The following CCDC30 variants were observed in gnomAD, a reference collection of about 807,000 sequenced individuals.
CCDC30 encodes the protein coiled-coil domain containing 30, also known as coiled-coil domain-containing protein 30.
CCDC30 carries 70 observed loss-of-function variants against 100.2 expected under a neutral mutation model. The observed-to-expected ratio is 0.70, with a 90% CI of 0.58 to 0.85. CCDC30 has a LOEUF of 0.85. Ranked by LOEUF, CCDC30 falls within the 40% of genes least tolerant of loss-of-function variation. CCDC30 has a pLI of 0.00. For synonymous variants in CCDC30, 233 were observed against 269.5 expected, an observed-to-expected ratio of 0.86 and a Z score of 1.33; for missense variants, 652 against 771.2, an observed-to-expected ratio of 0.85 and a Z score of 1.83.
Position 42,556,026 on chromosome 1 carries a change from T to C in CCDC30, c.457-10270T>C, listed in dbSNP as rs1645361156. ...TTAAAGTTTATTTTTAAGAATAAGA[T>C]GACTGTTGTGCTATAGAATTCAGGT... On this transcript the variant is annotated intron_variant, in intron 6 of 16. Transcript: ENST00000668663. 3 of 880,262 alleles carry C rather than the reference T, an allele frequency of 3.4e-6. No homozygotes were observed. The Admixed American group carries it at 8.6e-5, about 25-fold the overall frequency. 54.5% of individuals were successfully genotyped at this position (880,262 alleles called of 1,614,324 possible).
At chr1:42,544,597 C>T (rs1039961071) in intron 6 of CCDC30, among the ~76,000 whole-genome samples, 18 of 152,154 alleles carry the variant, frequency 1.2e-4, no homozygotes, top group African/African-American at 3.4e-4. Context: ...TCATTGCAAT[C>T]TCCACCTCCC....
intron 11 of CCDC30, among the ~76,000 whole-genome samples, chr1:42,617,998 T>C (rs921414777): frequency 2.6e-5 from 4 of 152,184 alleles, no homozygotes; most frequent in African/African-American, 9.7e-5. Context: ...CAAGAACAGC[T>C]TGGAGGTTAG....
chr1:42,493,189 A>C (rs182038803), intron 4 of CCDC30, among the ~76,000 whole-genome samples: 1 of 152,200 alleles, frequency 6.6e-6, no homozygotes, highest in East Asian at 1.9e-4. Flanking sequence ...AAGAACAATA[A>C]GAATATAATT....
At chr1:42,505,803 C>T (rs1644385889) in intron 6 of CCDC30, among the ~76,000 whole-genome samples, 1 of 152,088 alleles carries the variant, frequency 6.6e-6, no homozygotes, top group African/African-American at 2.4e-5. Context: ...TTTTACTGAC[C>T]ATAGGTCAGG....
chr1:42,607,246 C>T (rs145150167), intron 10 of CCDC30, among the ~76,000 whole-genome samples: 96 of 151,948 alleles, frequency 6.3e-4, no homozygotes, highest in African/African-American at 2.1e-3. Flanking sequence ...GAGAAAGACC[C>T]AATCTCTAAA....
At chr1:42,467,554 A>T (rs1031285900) in intron 1 of CCDC30, among the ~76,000 whole-genome samples, 3 of 152,174 alleles carry the variant, frequency 2.0e-5, no homozygotes, top group African/African-American at 7.2e-5. Flanking sequence ...GAGAAGGAGG[A>T]GGGAAAGATG....
intron 11 of CCDC30, among the ~76,000 whole-genome samples, chr1:42,624,747 G>C (rs1646901389): frequency 6.6e-6 from 1 of 152,180 alleles, no homozygotes; most frequent in Admixed American, 6.5e-5. Flanking sequence ...CCAAAGTGTT[G>C]GGATTGCAGA....
chr1:42,571,948 A>T (rs1221592354), intron 7 of CCDC30, among the ~76,000 whole-genome samples: 1 of 152,202 alleles, frequency 6.6e-6, no homozygotes, highest in South Asian at 2.1e-4. Flanking sequence ...TTCTTTCTTG[A>T]GTAGCAAGAT....
At chr1:42,495,720 A>G (rs564836921) in intron 4 of CCDC30, among the ~76,000 whole-genome samples, 4 of 152,152 alleles carry the variant, frequency 2.6e-5, no homozygotes, top group South Asian at 2.1e-4. Flanking sequence ...TTAAAAAATA[A>G]AAATAAAAAT....
intron 6 of CCDC30, among the ~76,000 whole-genome samples, chr1:42,526,383 T>C (rs1241531611): frequency 1.3e-5 from 2 of 152,144 alleles, no homozygotes; most frequent in Non-Finnish European, 2.9e-5. Context: ...TATTTTTTTG[T>C]TGGAGGGTTG....
At chr1:42,529,472 AAAAT>A (rs59841793) in intron 6 of CCDC30, 144,143 of 150,382 alleles carry the variant, frequency 0.96, 69,393 homozygotes, top group East Asian at 1. Flanking sequence ...ACTCCATCTC[AAAAT>A]AAATAAATAA....
intron 9 of CCDC30, among the ~76,000 whole-genome samples, chr1:42,586,630 G>C (rs574430893): frequency 1.4e-4 from 22 of 152,152 alleles, no homozygotes; most frequent in Admixed American, 1.3e-3. Flanking sequence ...CAGCTCTTGT[G>C]AGCCACAGTG....
intron 6 of CCDC30, among the ~76,000 whole-genome samples, chr1:42,522,089 T>A (rs1644657149): frequency 6.6e-6 from 1 of 152,214 alleles, no homozygotes; most frequent in Non-Finnish European, 1.5e-5. Flanking sequence ...CCATATATTT[T>A]AAATTATCTC....
At chr1:42,626,854 C>A (rs750563401) in intron 11 of CCDC30, among the ~76,000 whole-genome samples, 6 of 152,146 alleles carry the variant, frequency 3.9e-5, no homozygotes, top group Non-Finnish European at 8.8e-5. Flanking sequence ...AGCTGTAAGT[C>A]CAATTAAACC....
chr1:42,607,637 G>A (rs1646528757), intron 10 of CCDC30, among the ~76,000 whole-genome samples: 1 of 150,836 alleles, frequency 6.6e-6, no homozygotes, highest in Non-Finnish European at 1.5e-5. Context: ...GAATGTGGGT[G>A]AAAGTGCCCT....
chr1:42,549,310 A>G lies in CCDC30; in HGVS notation c.457-16986A>G, dbSNP rs114223214. ...ATATTTAGCTAAGTCTTCTTTTTTC[A>G]CAAATGAGGTCTCTGAGACCAAGAA... On this transcript the variant is annotated intron_variant, in intron 6 of 16. Coordinates refer to ENST00000668663, the Ensembl canonical transcript of CCDC30. 7.9e-3 allele frequency among the ~76,000 whole-genome samples: 1,203 copies of G among 152,278 alleles called. 21 individuals carry two copies. Among genetic ancestry groups the G allele is most frequent in the African/African-American group, 0.027 (1,126 of 41,560 alleles).
At chr1:42,542,636 C>T (rs1332143528) in intron 6 of CCDC30, among the ~76,000 whole-genome samples, 3 of 116,370 alleles carry the variant, frequency 2.6e-5, no homozygotes, top group African/African-American at 8.8e-5. Flanking sequence ...CTGCAAGCTC[C>T]GCTTCCCGGG....
At position 42,503,901 on chromosome 1, in the gene CCDC30, G is replaced by A. The variant is rs996396774; in HGVS notation, c.456+4985G>A. On this transcript the variant is annotated intron_variant, in intron 6 of 16. Transcript: ENST00000668663. ...GTCAGGGAGACCCTCACCCAGTGGC[G>A]CTAGAGGAATTAAAGACACACACAC... Among the ~76,000 whole-genome samples, 8 of 152,156 alleles carry A rather than the reference G, an allele frequency of 5.3e-5. No individual in the cohort carries two copies. The East Asian group carries it at 5.8e-4, about 11-fold the overall frequency.
At chr1:42,576,026 A>G (rs1258806177) in intron 7 of CCDC30, among the ~76,000 whole-genome samples, 4 of 152,228 alleles carry the variant, frequency 2.6e-5, no homozygotes, top group Non-Finnish European at 5.9e-5. Context: ...ATAGTTTTAA[A>G]GAGATAGACA....
Sources: gnomAD v4.1 joint callset for allele counts (sites outside exome capture counted in the v4.1 genomes callset) on GRCh38, gnomAD v4.1.1 for gene constraint, MANE v1.5 for transcripts, NCBI Gene and HGNC (gene_info 2026-07-23, HGNC 2026-07-21) for gene names.